SUPT5H: variants seen among roughly 807,000 people sequenced by gnomAD.
SUPT5H encodes the protein transcription elongation factor SPT5.
In SUPT5H, 24 loss-of-function variants were observed where a neutral mutation model predicts 142.5. The observed-to-expected ratio is 0.17, with a 90% CI of 0.12 to 0.24. The LOEUF (loss-of-function observed/expected upper bound fraction) is 0.24, where lower values mean the gene tolerates loss of function less well. Ranked by LOEUF, SUPT5H falls within the 10% of genes least tolerant of loss-of-function variation. The pLI, the probability that SUPT5H is intolerant of heterozygous loss-of-function variation, is 1.00. For missense variants in SUPT5H, 893 were observed against 1,471.8 expected (o/e 0.61, Z 6.43); for synonymous variants, 546 against 553.0 (o/e 0.99, Z 0.18).
Position 39,466,755 on chromosome 19 carries a change from C to T in SUPT5H, c.1037+10C>T. 1 of 1,614,156 alleles carries T rather than the reference C, an allele frequency of 6.2e-7. No individual in the cohort carries two copies. The highest frequency in any genetic ancestry group is 8.5e-7 in the Non-Finnish European group (1 of 1,179,992). On this transcript the variant is annotated intron_variant, in intron 13 of 29. Coordinates refer to ENST00000432763, the MANE Select transcript of SUPT5H (RefSeq NM_001111020.3). This position sits in a 1 kb window ranked among gnomAD's most constrained non-coding sequence, Gnocchi z 4.3. Reference sequence around the variant, plus strand: ...ATGCTGAGAAGATCAGGTGCGTGTCCTTGGGGACTGGCTGGGCTGGGTCCC... The same window carrying T: ...ATGCTGAGAAGATCAGGTGCGTGTCTTTGGGGACTGGCTGGGCTGGGTCCC...
rs756829280 is a variant in SUPT5H, at chr19:39,471,608, C to A, written c.1828C>A (p.Arg610=). ...VKVIDGPHSG[R]EGEIRHLFRS... is the part of the protein sequence containing the mutation. ...TGACCCTTCTCTCCCCGGCTAGGGCCGAGAAGGGGAGATTCGCCATCTCTT... is the reference window on the plus strand; with the variant it reads ...TGACCCTTCTCTCCCCGGCTAGGGCAGAGAAGGGGAGATTCGCCATCTCTT... The change falls in exon 20 of 30, where the codon CGA becomes AGA. Residue 610 remains arginine, a synonymous_variant. Transcript: ENST00000432763. The A allele has an allele frequency of 1.2e-6, 2 of 1,614,158 alleles. No individual in the cohort carries two copies. The highest frequency in any genetic ancestry group is 1.3e-5 in the African/African-American group (1 of 75,056).
intron 2 of SUPT5H, among the ~76,000 whole-genome samples, chr19:39,452,466 G>A (rs998551017): frequency 2.6e-5 from 4 of 152,198 alleles, no homozygotes; most frequent in African/African-American, 7.2e-5. Context: ...AGCTGGTGGA[G>A]TTTTGAGAAA....
At chr19:39,465,213 T>A (rs561958295) in intron 11 of SUPT5H, among the ~76,000 whole-genome samples, 164 bp downstream of exon 11, 1 of 152,360 alleles carries the variant, frequency 6.6e-6, no homozygotes, top group African/African-American at 2.4e-5. Flanking sequence ...CGGTTGGCTG[T>A]CTTCTGTGCA....
chr19:39,453,310 TGGG>T, intron 2 of SUPT5H, 43 bp from the exon 3 acceptor site: 1 of 1,542,102 alleles, frequency 6.5e-7, no homozygotes, highest in South Asian at 1.2e-5. Flanking sequence ...TTTGGATTTT[TGGG>T]GTAGCAGAAT....
At chr19:39,476,212 T>C (rs777895618) in intron 29 of SUPT5H, 36 bp downstream of exon 29, 1 of 1,613,732 alleles carries the variant, frequency 6.2e-7, no homozygotes, top group South Asian at 1.1e-5. Context: ...GATGGGGCCG[T>C]TGGGTGCTGA....
intron 10 of SUPT5H, among the ~76,000 whole-genome samples, chr19:39,460,627 A>G (rs2079148681): frequency 2.0e-5 from 3 of 152,276 alleles, no homozygotes; most frequent in Middle Eastern, 6.8e-3. Context: ...AGTCCCAGCT[A>G]CTTGGGAAGC....
In SUPT5H at chr19:39,474,408, G is replaced by A. The variant is rs1430876276; in HGVS notation, c.2820+6G>A. ...CGTCGCCCATGGCCTATCAGGTAAT[G>A]GTCTGCCTGCCTGCCCTGAAGGGTG... On this transcript the variant is annotated splice_donor_region_variant and intron_variant, in intron 27 of 29. Coordinates refer to ENST00000432763, the MANE Select transcript of SUPT5H (RefSeq NM_001111020.3). The surrounding 1 kb of genome is among the most constrained non-coding windows in gnomAD (Gnocchi z 6.5). 9 of 1,613,010 alleles carry A rather than the reference G, an allele frequency of 5.6e-6. No individual in the cohort carries two copies. The East Asian group carries it at 1.8e-4, about 32-fold the overall frequency.
intron 8 of SUPT5H, 102 bp from the exon 9 acceptor site, chr19:39,459,457 C>A: frequency 2.0e-6 from 3 of 1,485,020 alleles, no homozygotes; most frequent in South Asian, 1.2e-5. Flanking sequence ...TGTGAGGGAA[C>A]CTGGATGTGA....
Position 39,474,847 on chromosome 19 carries a change from G to A in SUPT5H, c.3024+129G>A. On this transcript the variant is annotated intron_variant, in intron 28 of 29. Transcript: ENST00000432763. The surrounding 1 kb of genome is among the most constrained non-coding windows in gnomAD (Gnocchi z 6.5). The stretch of plus-strand genomic sequence containing the variant: ...AGCTGGGATTGAGGAAGCCTAGAGG[G>A]CAAGGGGAGCTATGTGAACCCAAAG... 2.9e-6 allele frequency: 3 copies of A among 1,052,216 alleles called. No homozygotes were observed. The highest frequency in any genetic ancestry group is 4.1e-6 in the Non-Finnish European group (3 of 723,600). 65.2% of individuals were successfully genotyped at this position (1,052,216 alleles called of 1,614,324 possible). A position where few individuals can be genotyped will look rare whatever the true frequency, so the allele number is the denominator to read the frequency against.
chr19:39,453,227 A>G, intron 2 of SUPT5H, 129 bp from the exon 3 acceptor site: 1 of 1,092,896 alleles, frequency 9.2e-7, no homozygotes, highest in Non-Finnish European at 1.3e-6. Context: ...AGTGAAAGGG[A>G]TATATGCAGA....
In SUPT5H at chr19:39,474,472, G is replaced by T. The variant is rs1269526148; in HGVS notation, c.2821-43G>T. 6.2e-7 allele frequency: 1 copy of T among 1,612,326 alleles called. No homozygotes were observed. The highest frequency in any genetic ancestry group is 8.5e-7 in the Non-Finnish European group (1 of 1,178,844). On this transcript the variant is annotated intron_variant, in intron 27 of 29. Coordinates refer to ENST00000432763, the MANE Select transcript of SUPT5H (RefSeq NM_001111020.3). This position sits in a 1 kb window ranked among gnomAD's most constrained non-coding sequence, Gnocchi z 6.5. ...ACTTTGGGCATATAGGGTCGGCCAG[G>T]CCAGATGACTATTCCCAATGACACT...
Position 39,458,507 on chromosome 19 carries a change from C to G in SUPT5H, c.319+202C>G. ...TTGACCTGGGAAAGCACGGATGTGT[C>G]TGTCTGGGACTGAGCATTTGTGGGT... On this transcript the variant is annotated intron_variant, in intron 5 of 29. Transcript: ENST00000432763. This position sits in a 1 kb window ranked among gnomAD's most constrained non-coding sequence, Gnocchi z 4.2. 1.0e-6 allele frequency: 1 copy of G among 977,696 alleles called. No homozygotes were observed. The highest frequency in any genetic ancestry group is 1.5e-6 in the Non-Finnish European group (1 of 659,082). The allele number at this position is 977,696 out of a possible 1,614,324, so 60.6% of individuals were successfully genotyped here.
intron 10 of SUPT5H, among the ~76,000 whole-genome samples, chr19:39,463,707 G>C (rs1329897584): frequency 1.3e-5 from 2 of 152,162 alleles, no homozygotes; most frequent in East Asian, 3.8e-4. Context: ...CTCTTTCCTT[G>C]TTGATCTTGG....
chr19:39,475,802 A>G, intron 28 of SUPT5H: 2 of 437,468 alleles, frequency 4.6e-6, no homozygotes, highest in South Asian at 2.8e-5. Flanking sequence ...AGGTGTGGGG[A>G]AGACGCTGAG....
intron 28 of SUPT5H, 109 bp from the exon 29 acceptor site, chr19:39,475,972 T>C: frequency 9.5e-7 from 1 of 1,049,842 alleles, no homozygotes; most frequent in Non-Finnish European, 1.4e-6. Flanking sequence ...CCTGCCCCCA[T>C]TTCACCTTGA....
At chr19:39,454,752 C>G (rs2079066324) in intron 3 of SUPT5H, among the ~76,000 whole-genome samples, 1 of 152,144 alleles carries the variant, frequency 6.6e-6, no homozygotes, top group Non-Finnish European at 1.5e-5. Flanking sequence ...TTTCCCTTAC[C>G]TATGGGAAGA....
At chr19:39,449,182 G>GT (rs1007371443) in intron 2 of SUPT5H, among the ~76,000 whole-genome samples, 3 of 152,062 alleles carry the variant, frequency 2.0e-5, no homozygotes, top group Non-Finnish European at 2.9e-5. Flanking sequence ...GGCAGAGGCA[G>GT]TTTTATAGAT....
At chr19:39,471,767 C>A in intron 20 of SUPT5H, 37 bp downstream of exon 20, 1 of 1,594,122 alleles carries the variant, frequency 6.3e-7, no homozygotes, top group Non-Finnish European at 8.6e-7. Flanking sequence ...GCGTTGGGTA[C>A]CTGGCTCAGC....
At position 39,458,570 on chromosome 19, in the gene SUPT5H, G is replaced by T; in HGVS notation, c.320-248G>T. ...TGGGGTGGGGTGCAGTCCAGGGTGT[G>T]CCTGGACTTTGAGATGGGAACAGCT... On this transcript the variant is annotated intron_variant, in intron 5 of 29. Coordinates refer to ENST00000432763, the MANE Select transcript of SUPT5H (RefSeq NM_001111020.3). The surrounding 1 kb of genome is among the most constrained non-coding windows in gnomAD (Gnocchi z 4.2). 2.7e-6 allele frequency: 2 copies of T among 733,268 alleles called. No individual in the cohort carries two copies. Among genetic ancestry groups the T allele is most frequent in the South Asian group, 1.8e-5 (1 of 54,498 alleles). The allele number at this position is 733,268 out of a possible 1,614,324, so 45.4% of individuals were successfully genotyped here.
Sources: gnomAD v4.1 joint callset for allele counts (sites outside exome capture counted in the v4.1 genomes callset) on GRCh38, gnomAD v4.1.1 for gene constraint, Gnocchi (gnomAD v3.1) non-coding constraint, MANE v1.5 for transcripts, NCBI Gene and HGNC (gene_info 2026-07-23, HGNC 2026-07-21) for gene names.